Variants in DLG1 observed in about 807,000 individuals in gnomAD.
DLG1 encodes disks large homolog 1.
Under a neutral mutation model 123.4 loss-of-function variants are expected in DLG1, and 42 were observed. That is an observed-to-expected ratio of 0.34 (90% CI 0.27 to 0.44). DLG1 has a LOEUF of 0.44. Among genes scored for constraint, DLG1 ranks in the 20% least tolerant of loss-of-function variants. The pLI is 1.00. For synonymous variants in DLG1, 317 were observed against 356.2 expected (o/e 0.89, Z 1.24); for missense variants, 942 against 1,082.6 (o/e 0.87, Z 1.82).
chr3:197,108,266 C>T (rs527874765), intron 13 of DLG1, among the ~76,000 whole-genome samples: 172 of 152,138 alleles, frequency 1.1e-3, no homozygotes, highest in African/African-American at 3.3e-3. Context: ...ATTTTTTCTT[C>T]TTGTGATGTC....
At chr3:197,276,923 G>A (rs777088904) in intron 4 of DLG1, among the ~76,000 whole-genome samples, 3 of 151,538 alleles carry the variant, frequency 2.0e-5, no homozygotes, top group South Asian at 2.1e-4. Context: ...ACAGGGTCTC[G>A]CTCTGTCGCC....
chr3:197,274,064 A>G (rs1482664987), intron 4 of DLG1, among the ~76,000 whole-genome samples: 1 of 152,234 alleles, frequency 6.6e-6, no homozygotes, highest in Non-Finnish European at 1.5e-5. Context: ...AATCCCTAAT[A>G]AAATACCAGT....
intron 13 of DLG1, among the ~76,000 whole-genome samples, chr3:197,106,865 G>A (rs1766752146): frequency 6.6e-6 from 1 of 152,042 alleles, no homozygotes; most frequent in African/African-American, 2.4e-5. Context: ...TTTTAAAAAT[G>A]GAGAAATAAT....
chr3:197,260,799 C>CA (rs1759063321), intron 4 of DLG1, among the ~76,000 whole-genome samples: 1 of 85,020 alleles, frequency 1.2e-5, no homozygotes, highest in South Asian at 4.1e-4. Context: ...TAAAAATATG[C>CA]AAGCAAACAT....
rs578075106 is a variant in DLG1, at chr3:197,274,576, T to C, written c.318+8103A>G. 2.4e-4 allele frequency among the ~76,000 whole-genome samples: 36 copies of C among 151,836 alleles called. No individual in the cohort carries two copies. In the East Asian group the frequency reaches 6.6e-3, roughly 28 times the overall value. On this transcript the variant is annotated intron_variant, in intron 4 of 24. Coordinates refer to ENST00000667157, the MANE Select transcript of DLG1 (RefSeq NM_001366207.1). ...GGATGTTGGTCAGGGCAAGTATTTT[T>C]TAGGTAATGCTTCAAAAGCACAGGC...
At chr3:197,208,373 T>C (rs184623706) in intron 4 of DLG1, among the ~76,000 whole-genome samples, 8 of 146,782 alleles carry the variant, frequency 5.5e-5, no homozygotes, top group African/African-American at 1.7e-4. Context: ...TATGAATACA[T>C]AGAACCTCTG....
At chr3:197,243,773 T>C (rs953523627) in intron 4 of DLG1, among the ~76,000 whole-genome samples, 1 of 152,218 alleles carries the variant, frequency 6.6e-6, no homozygotes, top group Non-Finnish European at 1.5e-5. Context: ...TTATTAATTG[T>C]TGACCACCAG....
chr3:197,235,471 G>C (rs1330474526), intron 4 of DLG1, among the ~76,000 whole-genome samples: 1 of 152,204 alleles, frequency 6.6e-6, no homozygotes, highest in Admixed American at 6.5e-5. Flanking sequence ...GTAAGCTGAG[G>C]AGTGTTCAAA....
chr3:197,219,261 G>A (rs1468060621), intron 4 of DLG1, among the ~76,000 whole-genome samples: 1 of 152,096 alleles, frequency 6.6e-6, no homozygotes, highest in Non-Finnish European at 1.5e-5. Context: ...ATAGGCATAG[G>A]GTGGCCAAAT....
chr3:197,187,332 G>C (rs1171818162), intron 5 of DLG1, among the ~76,000 whole-genome samples: 1 of 152,016 alleles, frequency 6.6e-6, no homozygotes, highest in East Asian at 1.9e-4. Context: ...TCTAGCATTT[G>C]GTTCAAAAGG....
chr3:197,224,259 A>T (rs778707542), intron 4 of DLG1, among the ~76,000 whole-genome samples: 2 of 152,194 alleles, frequency 1.3e-5, no homozygotes, highest in African/African-American at 4.8e-5. Flanking sequence ...GGAGGACTTT[A>T]AAGTCCACCA....
chr3:197,130,710 T>C (rs757241016), intron 10 of DLG1, 39 bp from the exon 11 acceptor site: 2 of 1,474,384 alleles, frequency 1.4e-6, no homozygotes, highest in Non-Finnish European at 1.8e-6. Context: ...ACATATTCAC[T>C]TGTTCTCTGA....
chr3:197,055,226 T>C (rs1730842000), intron 23 of DLG1, among the ~76,000 whole-genome samples: 1 of 152,194 alleles, frequency 6.6e-6, no homozygotes, highest in South Asian at 2.1e-4. Context: ...GCCAGGATTA[T>C]AGGCATGAGC....
intron 16 of DLG1, 132 bp from the exon 17 acceptor site, chr3:197,081,249 C>T (rs1578739770): frequency 4.2e-6 from 3 of 720,524 alleles, no homozygotes; most frequent in Admixed American, 6.5e-5. Context: ...TCTAGGTTTG[C>T]ATCCCCAAAT....
chr3:197,070,564 C>CCTTTTTTTTTTTTTTT (rs1491200833), intron 18 of DLG1: 3 of 44,924 alleles, frequency 6.7e-5, no homozygotes, highest in Non-Finnish European at 1.0e-4. Context: ...CTGGAAATTT[C>CCTTTTTTTTTTTTTTT]ATTTTTTTTT....
chr3:197,216,624 T>C (rs562072399), intron 4 of DLG1, among the ~76,000 whole-genome samples: 12 of 152,312 alleles, frequency 7.9e-5, no homozygotes, highest in East Asian at 3.9e-4. Flanking sequence ...GCTGGTCACA[T>C]AGGCACCTAG....
chr3:197,193,711 A>C (rs1413962764), intron 5 of DLG1, among the ~76,000 whole-genome samples: 1 of 152,234 alleles, frequency 6.6e-6, no homozygotes, highest in East Asian at 1.9e-4. Context: ...AATATATGGT[A>C]GAACTTTAAT....
At chr3:197,142,083 A>G (rs1788335405) in intron 7 of DLG1, among the ~76,000 whole-genome samples, 1 of 152,218 alleles carries the variant, frequency 6.6e-6, no homozygotes, top group Admixed American at 6.5e-5. Context: ...CAAGTATACC[A>G]TAATTAGTTT....
At position 197,131,719 on chromosome 3, in the gene DLG1, A is replaced by C. The variant is rs1218425412; in HGVS notation, c.1021-1048T>G. ...CGCCATTCTCCTGCCTCAGCCTCCCAAGTAGCTGGGACTACAGGCGCCCGC... is the reference window on the plus strand; with the variant it reads ...CGCCATTCTCCTGCCTCAGCCTCCCCAGTAGCTGGGACTACAGGCGCCCGC... On this transcript the variant is annotated intron_variant, in intron 10 of 24. Transcript: ENST00000667157. Among the ~76,000 whole-genome samples, 6 of 144,348 alleles carry C rather than the reference A, an allele frequency of 4.2e-5. No individual in the cohort carries two copies. In the Admixed American group the frequency reaches 4.2e-4, roughly 10 times the overall value. 94.7% of individuals were successfully genotyped at this position (144,348 alleles called of 152,430 possible). A position where few individuals can be genotyped will look rare whatever the true frequency, so the allele number is the denominator to read the frequency against.
Sources: gnomAD v4.1 joint callset for allele counts (sites outside exome capture counted in the v4.1 genomes callset) on GRCh38, gnomAD v4.1.1 for gene constraint, MANE v1.5 for transcripts, NCBI Gene and HGNC (gene_info 2026-07-23, HGNC 2026-07-21) for gene names.